TRIL: variants seen among roughly 807,000 people sequenced by gnomAD.
TRIL encodes TLR4 interactor with leucine rich repeats.
Under a neutral mutation model 43.0 loss-of-function variants are expected in TRIL, and 23 were observed. The ratio of observed to expected loss-of-function variants is 0.54; its 90% CI spans 0.39 to 0.76. The LOEUF (loss-of-function observed/expected upper bound fraction) is 0.76. Among genes scored for constraint, TRIL ranks in the 30% least tolerant of loss-of-function variants. TRIL has a pLI of 0.00. For synonymous variants in TRIL, 602 were observed against 556.8 expected (o/e 1.08, Z -1.14); for missense variants, 1,114 against 1,139.3 (o/e 0.98, Z 0.32).
rs997761597 is a variant in TRIL, at chr7:28,957,105, G to A, written c.942C>T (p.Ser314=). ...GGCCGAAGGTGGCCGGGTGCAGGGC[G>A]GACAGCTCATTGCCGCTCAGGTCCA... ...EALDLSGNEL[S]ALHPATFGHL... is the part of the protein sequence containing the mutation. The change falls in exon 1 of 1, where the codon TCC becomes TCT. Residue 314 remains serine, a synonymous_variant. Coordinates refer to ENST00000539664, the MANE Select transcript of TRIL (RefSeq NM_014817.4). 2 of 1,574,610 alleles carry A rather than the reference G, an allele frequency of 1.3e-6. No individual in the cohort carries two copies. Among genetic ancestry groups the A allele is most frequent in the Non-Finnish European group, 1.7e-6 (2 of 1,163,332 alleles).
rs1386840727 is a variant in TRIL at position 28,958,317 on chromosome 7, C to G, written c.-271G>C. 4.8e-6 allele frequency: 2 copies of G among 418,210 alleles called. No individual in the cohort carries two copies. 25.9% of individuals were successfully genotyped at this position (418,210 alleles called of 1,614,324 possible). A position where few individuals can be genotyped will look rare whatever the true frequency, so the allele number is the denominator to read the frequency against. ...GTATAAAACTGTTTCTCCGGGTGCG[C>G]GTCGGCGGGCGGGAGGAGGGAGCAA... On this transcript the variant is annotated 5_prime_UTR_variant, in exon 1 of 1. Transcript: ENST00000539664.
rs1418415574 is a variant in TRIL at position 28,954,919 on chromosome 7, T to C, written c.*692A>G. The C allele has an allele frequency of 6.6e-6, 1 of 152,134 alleles. No homozygotes were observed. Among genetic ancestry groups the C allele is most frequent in the Non-Finnish European group, 1.5e-5 (1 of 68,040 alleles). 9.4% of individuals were successfully genotyped at this position (152,134 alleles called of 1,614,324 possible). On this transcript the variant is annotated 3_prime_UTR_variant, in exon 1 of 1. Transcript: ENST00000539664. Reference sequence around the variant, plus strand: ...TCAGCAAGCGCTCTTGTACTGTTAATATTAAAAGGAACATAATAAAATGGC... The same window carrying C: ...TCAGCAAGCGCTCTTGTACTGTTAACATTAAAAGGAACATAATAAAATGGC...
At position 28,958,232 on chromosome 7, in the gene TRIL, C is replaced by G. The variant is rs1046505489; in HGVS notation, c.-186G>C. 1.1e-5 allele frequency: 9 copies of G among 830,060 alleles called. No homozygotes were observed. Among genetic ancestry groups the G allele is most frequent in the Non-Finnish European group, 1.4e-5 (8 of 569,250 alleles). 51.4% of individuals were successfully genotyped at this position (830,060 alleles called of 1,614,324 possible). On this transcript the variant is annotated 5_prime_UTR_variant, in exon 1 of 1. Transcript: ENST00000539664. Reference sequence around the variant, plus strand: ...CGGGTCTCTGCAGGCGGGCTTCGCCCGGCCAAGTCAGGCGGCGCGGGGCGC... The same window carrying G: ...CGGGTCTCTGCAGGCGGGCTTCGCCGGGCCAAGTCAGGCGGCGCGGGGCGC...
chr7:28,956,112 C>T lies in TRIL; in HGVS notation c.1935G>A (p.Ser645=), dbSNP rs1354351030. The T allele has an allele frequency of 6.4e-7, 1 of 1,559,600 alleles. No homozygotes were observed. Among genetic ancestry groups the T allele is most frequent in the Non-Finnish European group, 8.7e-7 (1 of 1,154,050 alleles). The stretch of plus-strand genomic sequence containing the variant: ...CCCCGCGCAGCTCGCGCAGCGTGGC[C>T]GAGTCGCTGCTCTCAGGCAGGTAGA... ...RFVYLPESSD[S]ATLRELRGDT... The change falls in exon 1 of 1, where the codon TCG becomes TCA. Residue 645 remains serine (S), a synonymous_variant. Transcript: ENST00000539664.
At position 28,956,527 on chromosome 7, in the gene TRIL, T is replaced by G. The variant is rs749221099; in HGVS notation, c.1520A>C (p.Gln507Pro). ...GGGCTTCTTGTGCAGGTCTAGGGACTGTGGAGCCGGGCCCGCGGCGGCAGC... is the reference window on the plus strand; with the variant it reads ...GGGCTTCTTGTGCAGGTCTAGGGACGGTGGAGCCGGGCCCGCGGCGGCAGC... ...SVAAAAGPAP[Q>P]SLDLHKKPQR... The change falls in exon 1 of 1, where the codon CAG becomes CCG. Residue 507 changes from glutamine (Q) to proline (P), a missense_variant. Gln to Pro is a moderately conservative substitution (Grantham distance 76). Coordinates refer to ENST00000539664, the MANE Select transcript of TRIL (RefSeq NM_014817.4). 1 of 1,560,704 alleles carries G rather than the reference T, an allele frequency of 6.4e-7. No homozygotes were observed. Among genetic ancestry groups the G allele is most frequent in the Admixed American group, 1.9e-5 (1 of 53,744 alleles).
chr7:28,957,996 G>T lies in TRIL; in HGVS notation c.51C>A (p.Leu17=), dbSNP rs1160168836. The stretch of plus-strand genomic sequence containing the variant: ...CGGGCTCGGCCAGCGGCGGGAGCGC[G>T]AGGCAGCCGCACACCACGAGCAGGA... ...LRLLLVVCGC[L]ALPPLAEPVC... Residue 17 remains leucine (L), a synonymous_variant, in exon 1 of 1, where the codon CTC becomes CTA. Coordinates refer to ENST00000539664, the MANE Select transcript of TRIL (RefSeq NM_014817.4). 1.3e-6 allele frequency: 2 copies of T among 1,597,064 alleles called. No individual in the cohort carries two copies.
chr7:28,956,961 G>A lies in TRIL; in HGVS notation c.1086C>T (p.Thr362=). 5 of 1,590,354 alleles carry A rather than the reference G, an allele frequency of 3.1e-6. No homozygotes were observed. Among genetic ancestry groups the A allele is most frequent in the Non-Finnish European group, 3.4e-6 (4 of 1,170,218 alleles). Residue 362 remains threonine (T), a synonymous_variant, in exon 1 of 1, where the codon ACC becomes ACT. Coordinates refer to ENST00000539664, the MANE Select transcript of TRIL (RefSeq NM_014817.4). The part of the protein sequence containing the change: ...YRLDLDGNGW[T]CDCRLRGLKR... Reference sequence around the variant, plus strand: ...TCAGGCCTCGCAGCCGGCAGTCGCAGGTCCAGCCGTTGCCGTCTAGATCCA... The same window carrying A: ...TCAGGCCTCGCAGCCGGCAGTCGCAAGTCCAGCCGTTGCCGTCTAGATCCA...
chr7:28,955,997 G>C lies in TRIL; in HGVS notation c.2050C>G (p.Leu684Val). ...PRDHCAGLVTLPEAGSRGGVD... is the reference protein window; with the variant it reads ...PRDHCAGLVTVPEAGSRGGVD... ...CCGCCCCGGCTCCCGGCCTCCGGTA[G>C]GGTGACCAGCCCCGCGCAGTGGTCC... Residue 684 changes from leucine (L) to valine (V), a missense_variant, in exon 1 of 1, where the codon CTA (leucine) becomes GTA (valine). Transcript: ENST00000539664. 6.4e-7 allele frequency: 1 copy of C among 1,552,208 alleles called. No homozygotes were observed. The highest frequency in any genetic ancestry group is 8.7e-7 in the Non-Finnish European group (1 of 1,154,004).
Position 28,957,271 on chromosome 7 carries a change from G to A in TRIL, c.776C>T (p.Ser259Leu). 1 of 1,610,204 alleles carries A rather than the reference G, an allele frequency of 6.2e-7. No homozygotes were observed. The highest frequency in any genetic ancestry group is 2.2e-5 in the East Asian group (1 of 44,856). ...FQHLPRLGLL[S>L]LRGNQLTHLA... Reference sequence around the variant, plus strand: ...GTGCGTGAGCTGGTTGCCCCTGAGCGAGAGCAGGCCGAGACGTGGCAGGTG... The same window carrying A: ...GTGCGTGAGCTGGTTGCCCCTGAGCAAGAGCAGGCCGAGACGTGGCAGGTG... The change falls in exon 1 of 1, where the codon TCG (serine) becomes TTG (leucine). Residue 259 changes from serine to leucine, a missense_variant. By Grantham distance (145) the Ser-to-Leu change is moderately radical (BLOSUM62 -2). Transcript: ENST00000539664.
chr7:28,956,093 GCAGCTCGCGCAGCGT>G lies in TRIL; in HGVS notation c.1939_1953del (p.Thr647_Leu651del). 6.4e-7 allele frequency: 1 copy of G among 1,555,478 alleles called. No homozygotes were observed. Among genetic ancestry groups the G allele is most frequent in the South Asian group, 1.2e-5 (1 of 84,690 alleles). ...CACACCAGGTAGGGGGTGTCCCCGC[GCAGCTCGCGCAGCGT>G]GGCCGAGTCGCTGCTCTCAGGCAGG... On this transcript the variant is annotated inframe_deletion, in exon 1 of 1. Coordinates refer to ENST00000539664, the MANE Select transcript of TRIL (RefSeq NM_014817.4).
At position 28,957,971 on chromosome 7, in the gene TRIL, C is replaced by A. The variant is rs776977176; in HGVS notation, c.76G>T (p.Val26Leu). The change falls in exon 1 of 1, where the codon GTG becomes TTG. Residue 26 changes from valine to leucine, a missense_variant. Physicochemically the swap from Val to Leu is conservative, Grantham distance 32. Transcript: ENST00000539664. ...TGGCAGTCGCAGCGCTCCGGGCACA[C>A]GGGCTCGGCCAGCGGCGGGAGCGCG... ...CLALPPLAEP[V>L]CPERCDCQHP... is the part of the protein sequence containing the mutation. 1.2e-6 allele frequency: 2 copies of A among 1,603,750 alleles called. No homozygotes were observed. Among genetic ancestry groups the A allele is most frequent in the South Asian group, 1.1e-5 (1 of 90,978 alleles).
In TRIL at chr7:28,956,214, A is replaced by T; in HGVS notation, c.1833T>A (p.Ser611Arg). 4.5e-6 allele frequency: 7 copies of T among 1,560,332 alleles called. No homozygotes were observed. Among genetic ancestry groups the T allele is most frequent in the Non-Finnish European group, 6.1e-6 (7 of 1,154,940 alleles). ...SVRWAVREHR[S>R]PRPLGGARFR... ...AGCGCGCGCCGCCCAGCGGCCGGGG[A>T]CTGCGGTGCTCGCGCACGGCCCAGC... is the stretch of plus-strand genomic sequence containing the variant. Residue 611 changes from serine (S) to arginine (R), a missense_variant, in exon 1 of 1, where the codon AGT becomes AGA. By Grantham distance (110) the Ser-to-Arg change is moderately radical. Transcript: ENST00000539664.
In TRIL at chr7:28,955,313, G is replaced by T; in HGVS notation, c.*298C>A. 1 of 395,820 alleles carries T rather than the reference G, an allele frequency of 2.5e-6. No individual in the cohort carries two copies. The allele number at this position is 395,820 out of a possible 1,614,324, so 24.5% of individuals were successfully genotyped here. A position where few individuals can be genotyped will look rare whatever the true frequency, so the allele number is the denominator to read the frequency against. On this transcript the variant is annotated 3_prime_UTR_variant, in exon 1 of 1. Transcript: ENST00000539664. ...ACCCCCTTTCTACCCCCAAAGCCTGGCTTCTGCATTGCAGTGCTACAAAAG... is the reference window on the plus strand; with the variant it reads ...ACCCCCTTTCTACCCCCAAAGCCTGTCTTCTGCATTGCAGTGCTACAAAAG...
chr7:28,955,682 C>A lies in TRIL; in HGVS notation c.2365G>T (p.Asp789Tyr). The A allele has an allele frequency of 6.5e-7, 1 of 1,549,620 alleles. No individual in the cohort carries two copies. The highest frequency in any genetic ancestry group is 1.7e-4 in the Middle Eastern group (1 of 5,990). The change falls in exon 1 of 1, where the codon GAC becomes TAC. Residue 789 changes from aspartate to tyrosine, a missense_variant. By Grantham distance (160) the Asp-to-Tyr change is radical. Transcript: ENST00000539664. ...LIEFPCDRFM[D>Y]SAGGGAGGSL... ...CCGCCCGCGCCGCCGCCCGCACTGT[C>A]CATGAAGCGGTCGCAGGGGAATTCG...
In TRIL at chr7:28,955,787, C is replaced by T. The variant is rs1783387686; in HGVS notation, c.2260G>A (p.Gly754Ser). Residue 754 changes from glycine (G) to serine (S), a missense_variant, in exon 1 of 1, where the codon GGC becomes AGC. Transcript: ENST00000539664. The part of the protein sequence containing the change: ...TRRPLRSMGT[G>S]VSADFSGFQS... ...AATCCCGAGAAGTCGGCGGACACGC[C>T]GGTGCCCATGGAGCGCAGGGGCCGT... 2 of 1,550,026 alleles carry T rather than the reference C, an allele frequency of 1.3e-6. No homozygotes were observed. Among genetic ancestry groups the T allele is most frequent in the African/African-American group, 2.7e-5 (2 of 73,058 alleles).
rs372909932 is a variant in TRIL, at chr7:28,957,805, C to T, written c.242G>A (p.Arg81His). Reference protein sequence around the residue: ...ITNITAFDFHRLGQLRRLDLQ... With the variant: ...ITNITAFDFHHLGQLRRLDLQ... ...GTCCAGCCGTCTGAGCTGCCCCAGA[C>T]GGTGGAAGTCGAAGGCCGTGATGTT... Residue 81 changes from arginine to histidine, a missense_variant, in exon 1 of 1, where the codon CGT becomes CAT. Transcript: ENST00000539664. The T allele has an allele frequency of 1.9e-6, 3 of 1,613,880 alleles. No homozygotes were observed. Among genetic ancestry groups the T allele is most frequent in the Non-Finnish European group, 1.7e-6 (2 of 1,179,780 alleles).
In TRIL at chr7:28,956,560, G is replaced by A. The variant is rs775899788; in HGVS notation, c.1487C>T (p.Pro496Leu). 5.1e-6 allele frequency: 8 copies of A among 1,558,334 alleles called. No homozygotes were observed. The highest frequency in any genetic ancestry group is 1.9e-5 in the Admixed American group (1 of 53,996). The change falls in exon 1 of 1, where the codon CCC (proline) becomes CTC (leucine). Residue 496 changes from proline to leucine, a missense_variant. Physicochemically the swap from Pro to Leu is moderately conservative, Grantham distance 98. Transcript: ENST00000539664. ...RRGPGLQQPS[P>L]SVAAAAGPAP... Reference sequence around the variant, plus strand: ...CGGGCCCGCGGCGGCAGCGACGGAGGGGCTGGGCTGCTGGAGGCCCGGGCC... The same window carrying A: ...CGGGCCCGCGGCGGCAGCGACGGAGAGGCTGGGCTGCTGGAGGCCCGGGCC...
At position 28,957,504 on chromosome 7, in the gene TRIL, C is replaced by G; in HGVS notation, c.543G>C (p.Leu181=). The change falls in exon 1 of 1, where the codon CTG becomes CTC. Residue 181 remains leucine, a synonymous_variant. Coordinates refer to ENST00000539664, the MANE Select transcript of TRIL (RefSeq NM_014817.4). ...PDAVFAPLGN[L]LYLHLESNRI... ...GGTTGGACTCCAGATGTAGGTAGAGCAGGTTGCCCAAGGGAGCGAAGACCG... is the reference window on the plus strand; with the variant it reads ...GGTTGGACTCCAGATGTAGGTAGAGGAGGTTGCCCAAGGGAGCGAAGACCG... 1 of 1,613,240 alleles carries G rather than the reference C, an allele frequency of 6.2e-7. No homozygotes were observed. The highest frequency in any genetic ancestry group is 1.1e-5 in the South Asian group (1 of 91,074).
rs952904735 is a variant in TRIL at position 28,956,124 on chromosome 7, C to G, written c.1923G>C (p.Glu641Asp). ...CGCGCAGCGTGGCCGAGTCGCTGCT[C>G]TCAGGCAGGTAGACGAAGCGGTGGA... ...PKFHRFVYLP[E>D]SSDSATLREL... The change falls in exon 1 of 1, where the codon GAG (glutamate) becomes GAC (aspartate). Residue 641 changes from glutamate (E) to aspartate (D), a missense_variant. By Grantham distance (45) the Glu-to-Asp change is conservative. Coordinates refer to ENST00000539664, the MANE Select transcript of TRIL (RefSeq NM_014817.4). The G allele has an allele frequency of 1.3e-6, 2 of 1,563,526 alleles. No individual in the cohort carries two copies. Among genetic ancestry groups the G allele is most frequent in the African/African-American group, 2.7e-5 (2 of 73,780 alleles).
Sources: gnomAD v4.1 joint callset for allele counts on GRCh38, gnomAD v4.1.1 for gene constraint, MANE v1.5 for transcripts, NCBI Gene and HGNC (gene_info 2026-07-23, HGNC 2026-07-21) for gene names.